The following NAV2 variants were observed in gnomAD, a reference collection of about 807,000 sequenced individuals.
NAV2 encodes helicase, APC down-regulated 1.
In NAV2, 54 loss-of-function variants were observed where a neutral mutation model predicts 223.2. That is an observed-to-expected ratio of 0.24 (90% CI 0.19 to 0.30). The LOEUF is 0.30. Among genes scored for constraint, NAV2 ranks in the 10% least tolerant of loss-of-function variants. NAV2 has a pLI of 1.00. For synonymous variants in NAV2, 1,279 were observed against 1,239.3 expected (o/e 1.03, Z -0.67); for missense variants, 2,806 against 3,147.5 (o/e 0.89, Z 2.60).
intron 11 of NAV2, among the ~76,000 whole-genome samples, chr11:20,015,889 T>G (rs186171376): frequency 5.3e-5 from 8 of 152,336 alleles, no homozygotes; most frequent in Admixed American, 3.9e-4. Context: ...AGTGTCTTAG[T>G]GTCATCTGTT....
intron 1 of NAV2, among the ~76,000 whole-genome samples, chr11:19,431,855 A>G (rs1851047809): frequency 1.3e-5 from 2 of 152,348 alleles, no homozygotes. Flanking sequence ...TTTTGCCATA[A>G]CACACATCAC....
intron 1 of NAV2, among the ~76,000 whole-genome samples, chr11:19,535,819 G>A (rs1203239385): frequency 1.3e-5 from 2 of 152,148 alleles, no homozygotes; most frequent in Non-Finnish European, 2.9e-5. Context: ...TGGTCCAAAT[G>A]AGCCCCAGGA....
chr11:19,868,280 T>C lies in NAV2; in HGVS notation c.439-645T>C, dbSNP rs569033691. 1.8e-4 allele frequency among the ~76,000 whole-genome samples: 28 copies of C among 152,306 alleles called. 2 individuals carry two copies. The South Asian group carries it at 5.4e-3, about 29-fold the overall frequency. On this transcript the variant is annotated intron_variant, in intron 3 of 37. Coordinates refer to ENST00000349880, the MANE Select transcript of NAV2 (RefSeq NM_145117.5). ...TGACAACTGAAGTAAAATTAGCTTC[T>C]TGGGAATGACCTAATTGTTCTTTTG...
At chr11:19,493,329 T>C (rs538417753) in intron 1 of NAV2, among the ~76,000 whole-genome samples, 9 of 152,304 alleles carry the variant, frequency 5.9e-5, no homozygotes, top group African/African-American at 2.2e-4. Context: ...CACATACATA[T>C]TTATACAGCA....
intron 1 of NAV2, among the ~76,000 whole-genome samples, chr11:19,610,573 C>A (rs923563211): frequency 1.3e-5 from 2 of 152,216 alleles, no homozygotes; most frequent in African/African-American, 4.8e-5. Flanking sequence ...AGCTTTGTCA[C>A]AGCCTGTTGA....
At chr11:19,910,360 G>T (rs569054924) in intron 6 of NAV2, among the ~76,000 whole-genome samples, 4 of 152,258 alleles carry the variant, frequency 2.6e-5, no homozygotes, top group African/African-American at 9.6e-5. Flanking sequence ...ACCAGCCAAT[G>T]CCAGATGAGT....
intron 2 of NAV2, among the ~76,000 whole-genome samples, chr11:19,833,709 G>A (rs774042956): frequency 1.3e-5 from 2 of 152,206 alleles, no homozygotes; most frequent in Admixed American, 1.3e-4. Flanking sequence ...GCCTCTGCAA[G>A]GCTTCAGTCA....
chr11:19,480,854 G>A (rs188109948), intron 1 of NAV2, among the ~76,000 whole-genome samples: 64 of 152,312 alleles, frequency 4.2e-4, no homozygotes, highest in Admixed American at 6.5e-4. Flanking sequence ...GCTGCTGAGC[G>A]CTTTGTCTGT....
chr11:19,897,069 T>C (rs997388152), intron 6 of NAV2, among the ~76,000 whole-genome samples: 2 of 152,048 alleles, frequency 1.3e-5, no homozygotes, highest in African/African-American at 2.4e-5. Context: ...AATGATGAGT[T>C]CATGTCCTTT....
chr11:19,561,205 T>G (rs1026634243), intron 1 of NAV2, among the ~76,000 whole-genome samples: 3 of 152,216 alleles, frequency 2.0e-5, no homozygotes, highest in Admixed American at 2.0e-4. Flanking sequence ...CTTCCTTTGA[T>G]TGTTCACTTT....
chr11:19,817,168 A>G (rs2059134944), intron 1 of NAV2, among the ~76,000 whole-genome samples: 1 of 152,156 alleles, frequency 6.6e-6, no homozygotes, highest in African/African-American at 2.4e-5. Flanking sequence ...AGCAATGTAC[A>G]CCTTATATAG....
upstream of NAV2, among the ~76,000 whole-genome samples, chr11:19,350,477 G>T (rs1374419996): frequency 6.6e-6 from 1 of 152,258 alleles, no homozygotes; most frequent in Admixed American, 6.5e-5. Flanking sequence ...CGCAGTGTTT[G>T]CAGTGATTTA....
intron 1 of NAV2, among the ~76,000 whole-genome samples, chr11:19,394,051 G>T (rs1227318547): frequency 1.3e-5 from 2 of 152,064 alleles, no homozygotes; most frequent in East Asian, 3.9e-4. Context: ...TTTACTTGGG[G>T]GAGGCAGTGA....
intron 6 of NAV2, among the ~76,000 whole-genome samples, chr11:19,913,940 C>G (rs1477057294): frequency 1.3e-5 from 2 of 152,158 alleles, no homozygotes; most frequent in Admixed American, 6.5e-5. Flanking sequence ...AGGCTTGATC[C>G]GTGGAAACTG....
At chr11:20,110,582 G>C (rs1413818060) in intron 36 of NAV2, among the ~76,000 whole-genome samples, 5 of 152,172 alleles carry the variant, frequency 3.3e-5, no homozygotes, top group African/African-American at 1.2e-4. Context: ...CCCAGGACTA[G>C]CTGGCCCCTT....
At chr11:19,997,719 G>A (rs1237400024) in intron 11 of NAV2, among the ~76,000 whole-genome samples, 1 of 152,152 alleles carries the variant, frequency 6.6e-6, no homozygotes, top group Non-Finnish European at 1.5e-5. Flanking sequence ...TAAAGCCAGT[G>A]TTATATCAGA....
Position 19,372,408 on chromosome 11 carries a change from G to T in NAV2, c.75+21381G>T, listed in dbSNP as rs568155129. ...CCATCCACTGGGCTCAGTACTGGAT[G>T]GTCTGCATTTGTTGTGAATAGATGA... On this transcript the variant is annotated intron_variant, in intron 1 of 37. Transcript: ENST00000360655. Among the ~76,000 whole-genome samples, 9 of 152,306 alleles carry T rather than the reference G, an allele frequency of 5.9e-5. No individual in the cohort carries two copies. In the South Asian group the frequency reaches 1.9e-3, roughly 32 times the overall value.
At chr11:20,036,181 G>T (rs1439538846) in intron 12 of NAV2, 84 bp downstream of exon 12, 1 of 1,513,682 alleles carries the variant, frequency 6.6e-7, no homozygotes, top group Non-Finnish European at 9.1e-7. Context: ...AGGGCCATTT[G>T]GGGCAACCAG....
intron 1 of NAV2, among the ~76,000 whole-genome samples, chr11:19,732,261 G>GAAA (rs59674883): frequency 7.4e-6 from 1 of 135,544 alleles, no homozygotes; most frequent in Non-Finnish European, 1.6e-5. Flanking sequence ...TCCGTCTCAA[G>GAAA]AAAAAAAAAA....
Sources: gnomAD v4.1 joint callset for allele counts (sites outside exome capture counted in the v4.1 genomes callset) on GRCh38, gnomAD v4.1.1 for gene constraint, MANE v1.5 for transcripts, NCBI Gene and HGNC (gene_info 2026-07-23, HGNC 2026-07-21) for gene names.